Variants in ADGRG6 observed in about 807,000 individuals in gnomAD.
ADGRG6 encodes G-protein coupled receptor 126.
In ADGRG6, 84 loss-of-function variants were observed where a neutral mutation model predicts 142.4. The observed-to-expected ratio is 0.59, with a 90% CI of 0.49 to 0.71. ADGRG6 has a LOEUF of 0.71. Ranked by LOEUF, ADGRG6 falls within the 30% of genes least tolerant of loss-of-function variation. The probability of loss-of-function intolerance (pLI) is 0.00; values close to 1 mark genes in which losing one functional copy is unlikely to be tolerated. For synonymous variants in ADGRG6, 521 were observed against 520.5 expected, an observed-to-expected ratio of 1.00 and a Z score of -0.01; for missense variants, 1,367 against 1,466.6, an observed-to-expected ratio of 0.93 and a Z score of 1.11.
chr6:142,410,617 G>A (rs1776034489), intron 17 of ADGRG6, among the ~76,000 whole-genome samples: 1 of 152,012 alleles, frequency 6.6e-6, no homozygotes, highest in African/African-American at 2.4e-5. Flanking sequence ...CCTGAAAAGG[G>A]CAAAAACTTC....
At chr6:142,439,461 C>T (rs1035700145) in intron 24 of ADGRG6, among the ~76,000 whole-genome samples, 1 of 152,124 alleles carries the variant, frequency 6.6e-6, no homozygotes, top group African/African-American at 2.4e-5. Flanking sequence ...ATTCATATTG[C>T]AAATACTTGA....
At chr6:142,329,118 G>A (rs1211328821) in intron 2 of ADGRG6, among the ~76,000 whole-genome samples, 1 of 152,052 alleles carries the variant, frequency 6.6e-6, no homozygotes, top group African/African-American at 2.4e-5. Flanking sequence ...GCCTTCTGAG[G>A]TCTTTGTGAT....
intron 2 of ADGRG6, among the ~76,000 whole-genome samples, chr6:142,332,663 A>G (rs1041512383): frequency 1.3e-5 from 2 of 152,150 alleles, no homozygotes; most frequent in Non-Finnish European, 2.9e-5. Context: ...ATTACTTACC[A>G]CGCCAAAAAT....
intron 2 of ADGRG6, among the ~76,000 whole-genome samples, chr6:142,352,982 A>G (rs1267572958): frequency 6.6e-6 from 1 of 152,150 alleles, no homozygotes; most frequent in South Asian, 2.1e-4. Flanking sequence ...TCTCTCCACC[A>G]AAAACAAACC....
chr6:142,365,394 T>G (rs1780900283), intron 2 of ADGRG6, among the ~76,000 whole-genome samples: 1 of 152,202 alleles, frequency 6.6e-6, no homozygotes, highest in Non-Finnish European at 1.5e-5. Context: ...TTAGCAAATT[T>G]TATTGAAGAT....
intron 21 of ADGRG6, among the ~76,000 whole-genome samples, chr6:142,419,541 G>A (rs60185388): frequency 0.016 from 2,393 of 152,268 alleles, 49 homozygotes; most frequent in African/African-American, 0.051. Context: ...GAACAAGTCA[G>A]CCAAGAGTGT....
At chr6:142,390,425 C>T in intron 7 of ADGRG6, 82 bp downstream of exon 7, 1 of 713,532 alleles carries the variant, frequency 1.4e-6, no homozygotes, top group South Asian at 1.7e-5. Context: ...ACTGAATCCA[C>T]AGATCATACT....
intron 22 of ADGRG6, among the ~76,000 whole-genome samples, chr6:142,428,250 A>G (rs901303836): frequency 6.6e-6 from 1 of 151,872 alleles, no homozygotes; most frequent in African/African-American, 2.4e-5. Flanking sequence ...TATGTTTTAT[A>G]TTTTTATTTC....
intron 2 of ADGRG6, among the ~76,000 whole-genome samples, chr6:142,341,812 G>T (rs1779672939): frequency 6.7e-6 from 1 of 150,200 alleles, no homozygotes; most frequent in Non-Finnish European, 1.5e-5. Flanking sequence ...GTCACTATAT[G>T]CTGTCTCATT....
intron 7 of ADGRG6, 107 bp downstream of exon 7, chr6:142,390,450 ATT>A (rs1402104888): frequency 1.2e-5 from 7 of 572,742 alleles, no homozygotes; most frequent in Non-Finnish European, 1.9e-5. Context: ...CACAGATGGT[ATT>A]CATTAGAAAT....
At chr6:142,363,732 CTTAA>C (rs1780822025) in intron 2 of ADGRG6, among the ~76,000 whole-genome samples, 1 of 152,086 alleles carries the variant, frequency 6.6e-6, no homozygotes, top group Non-Finnish European at 1.5e-5. Context: ...AGCCCTGACT[CTTAA>C]GAGAGATCAA....
chr6:142,370,870 A>G (rs1269276694), intron 4 of ADGRG6, 77 bp downstream of exon 4: 14 of 1,374,438 alleles, frequency 1.0e-5, no homozygotes, highest in Non-Finnish European at 1.4e-5. Context: ...AAAGAATTAT[A>G]CATACACACA....
chr6:142,419,795 TTC>T, intron 21 of ADGRG6, 24 bp from the exon 22 acceptor site: 2 of 1,560,468 alleles, frequency 1.3e-6, no homozygotes, highest in Non-Finnish European at 1.7e-6. Context: ...AAATCTTTTT[TTC>T]TTTCTCATTT....
At position 142,415,824 on chromosome 6, in the gene ADGRG6, A is replaced by G. The variant is rs984318446; in HGVS notation, c.2698A>G (p.Ile900Val). ...EKLRRDYPSK[I>V]LMNLSTALLF... ...ATTGCGAAGGGATTATCCCTCCAAA[A>G]TCTTGATGAACCTGAGCACAGCCCT... Residue 900 changes from isoleucine to valine, a missense_variant, in exon 20 of 25, where the codon ATC becomes GTC. Around this residue, in one of 3 missense-constraint regions of ADGRG6, gnomAD observed 286 missense variants for 371.4 expected, o/e 0.77. Coordinates refer to ENST00000367609, the MANE Select transcript of ADGRG6 (RefSeq NM_198569.3). 3 of 1,612,560 alleles carry G rather than the reference A, an allele frequency of 1.9e-6. No individual in the cohort carries two copies. The highest frequency in any genetic ancestry group is 2.5e-6 in the Non-Finnish European group (3 of 1,179,018).
chr6:142,357,627 C>T (rs1057494850), intron 2 of ADGRG6, among the ~76,000 whole-genome samples: 4 of 152,064 alleles, frequency 2.6e-5, no homozygotes, highest in Non-Finnish European at 5.9e-5. Context: ...ATTAAAGGCC[C>T]GTTTGGAAAA....
Position 142,431,252 on chromosome 6 carries a change from A to G in ADGRG6, c.3320-6182A>G, listed in dbSNP as rs572081343. Among the ~76,000 whole-genome samples the G allele has an allele frequency of 9.9e-5, 15 of 152,278 alleles. No homozygotes were observed. The South Asian group carries it at 3.1e-3, about 32-fold the overall frequency. On this transcript the variant is annotated intron_variant, in intron 22 of 24. Coordinates refer to ENST00000367609, the MANE Select transcript of ADGRG6 (RefSeq NM_198569.3). ...TTTTTCCTTATTGTTCTAGCATGGA[A>G]TGGATTCTTAAAGAATCAAGGCAGT...
chr6:142,414,126 T>G (rs926731121), intron 18 of ADGRG6, among the ~76,000 whole-genome samples: 32 of 152,162 alleles, frequency 2.1e-4, no homozygotes, highest in Non-Finnish European at 5.9e-5. Context: ...AAGGAGGTAC[T>G]TTTCTCCTCC....
chr6:142,440,392 G>A (rs1242303301), intron 24 of ADGRG6, among the ~76,000 whole-genome samples: 2 of 152,092 alleles, frequency 1.3e-5, no homozygotes, highest in East Asian at 1.9e-4. Flanking sequence ...TACCTCCTGG[G>A]TTCAAGCAAT....
At chr6:142,341,933 CTG>C (rs1413919900) in intron 2 of ADGRG6, among the ~76,000 whole-genome samples, 2 of 151,924 alleles carry the variant, frequency 1.3e-5, no homozygotes, top group Admixed American at 1.3e-4. Flanking sequence ...GCCTCCCAAA[CTG>C]TTTTATTTTC....
Sources: allele counts gnomAD v4.1 joint callset (sites outside exome capture counted in the v4.1 genomes callset), GRCh38; gene constraint gnomAD v4.1.1; regional missense constraint gnomAD v4.1.1; transcripts MANE v1.5; gene names NCBI Gene and HGNC (gene_info 2026-07-23, HGNC 2026-07-21).